Variants in OGFOD1 observed in about 807,000 individuals in gnomAD.
OGFOD1 encodes prolyl 3-hydroxylase OGFOD1.
Under a neutral mutation model 67.7 loss-of-function variants are expected in OGFOD1, and 54 were observed. The observed-to-expected ratio is 0.80, with a 90% confidence interval of 0.64 to 1.00. The LOEUF is 1.00. OGFOD1 is among the 50% of genes least tolerant of loss of function. The pLI, the probability that OGFOD1 is intolerant of heterozygous loss-of-function variation, is 0.00. For synonymous variants in OGFOD1, 221 were observed against 227.0 expected (o/e 0.97, Z 0.24); for missense variants, 606 against 646.7 (o/e 0.94, Z 0.68).
chr16:56,474,478 G>A (rs967385961), intron 10 of OGFOD1, among the ~76,000 whole-genome samples: 3 of 151,752 alleles, frequency 2.0e-5, no homozygotes, highest in East Asian at 3.9e-4. Context: ...GCACTACCAC[G>A]CCTGGCTAAT....
chr16:56,458,905 A>G, intron 3 of OGFOD1: 2 of 353,484 alleles, frequency 5.7e-6, no homozygotes, highest in East Asian at 1.3e-4. Context: ...GTAAATATTA[A>G]AAATAAAAAC....
At chr16:56,455,261 G>A (rs1962487551) in intron 2 of OGFOD1, among the ~76,000 whole-genome samples, 1 of 151,966 alleles carries the variant, frequency 6.6e-6, no homozygotes, top group Non-Finnish European at 1.5e-5. Context: ...CAGCTACTCG[G>A]AAGGCTGAGG....
intron 9 of OGFOD1, among the ~76,000 whole-genome samples, 167 bp downstream of exon 9, chr16:56,470,249 C>T (rs1329062223): frequency 6.6e-6 from 1 of 152,106 alleles, no homozygotes; most frequent in East Asian, 1.9e-4. Context: ...CAATCATGCA[C>T]CAAGGCTCAC....
At chr16:56,469,873 A>AT in intron 8 of OGFOD1, 130 bp from the exon 9 acceptor site, 3 of 547,112 alleles carry the variant, frequency 5.5e-6, no homozygotes, top group Non-Finnish European at 6.3e-6. Context: ...AAAAAAAAAA[A>AT]GGAATGAGAG....
chr16:56,463,195 G>A (rs749916889), intron 4 of OGFOD1, among the ~76,000 whole-genome samples: 21 of 151,702 alleles, frequency 1.4e-4, no homozygotes, highest in Non-Finnish European at 2.5e-4. Flanking sequence ...ATACAAGCTT[G>A]GTTTTTCACC....
At position 56,474,949 on chromosome 16, in the gene OGFOD1, A is replaced by C; in HGVS notation, c.1407A>C (p.Glu469Asp). Reference sequence around the variant, plus strand: ...ACTTAATTCTGTACTGTGGCTGTGAAGGTAAGAGGGAGGAAAGCAAGCGGT... The same window carrying C: ...ACTTAATTCTGTACTGTGGCTGTGACGGTAAGAGGGAGGAAAGCAAGCGGT... ...ALDLILYCGC[E>D]GWEPEYGGFT... Residue 469 changes from glutamate to aspartate, a missense_variant and splice_region_variant, in exon 11 of 13, where the codon GAA (glutamate) becomes GAC (aspartate). By Grantham distance (45) the Glu-to-Asp change is conservative (BLOSUM62 2). Coordinates refer to ENST00000566157, the MANE Select transcript of OGFOD1 (RefSeq NM_018233.4). 1 of 1,613,562 alleles carries C rather than the reference A, an allele frequency of 6.2e-7. No homozygotes were observed. Among genetic ancestry groups the C allele is most frequent in the Non-Finnish European group, 8.5e-7 (1 of 1,179,696 alleles).
At chr16:56,474,987 G>GT in intron 11 of OGFOD1, 37 bp downstream of exon 11, 1 of 1,607,776 alleles carries the variant, frequency 6.2e-7, no homozygotes, top group Admixed American at 1.7e-5. Context: ...ATTATTCCCC[G>GT]TAGGAGGGGC....
intron 5 of OGFOD1, 56 bp downstream of exon 5, chr16:56,466,324 C>G: frequency 1.8e-6 from 2 of 1,093,488 alleles, no homozygotes; most frequent in East Asian, 4.8e-5. Context: ...TGAGTTAAAG[C>G]TGAGTTGATT....
rs904362145 is a variant in OGFOD1, at chr16:56,477,864, T to C, written c.*1659T>C. ...TCTCCTAAAACTTTTGAGTATTCAT[T>C]CTTTTCTGAAGTTTGCATTTAAATG... is the stretch of plus-strand genomic sequence containing the variant. On this transcript the variant is annotated 3_prime_UTR_variant, in exon 13 of 13. Transcript: ENST00000566157. The C allele has an allele frequency of 1.3e-5, 2 of 152,246 alleles. No homozygotes were observed. The highest frequency in any genetic ancestry group is 2.9e-5 in the Non-Finnish European group (2 of 68,050). The allele number at this position is 152,246 out of a possible 1,614,324, so 9.4% of individuals were successfully genotyped here. A position where few individuals can be genotyped will look rare whatever the true frequency, so the allele number is the denominator to read the frequency against.
chr16:56,462,433 A>G (rs755643927), intron 3 of OGFOD1, 101 bp from the exon 4 acceptor site: 11 of 696,854 alleles, frequency 1.6e-5, no homozygotes, highest in African/African-American at 7.1e-5. Flanking sequence ...CTTGAATACA[A>G]TGTGATCTCC....
chr16:56,461,738 A>G (rs1349179362), intron 3 of OGFOD1, among the ~76,000 whole-genome samples: 2 of 152,188 alleles, frequency 1.3e-5, no homozygotes, highest in South Asian at 2.1e-4. Flanking sequence ...GTGTCAGAGA[A>G]TTGGTCAGTG....
chr16:56,470,365 G>A (rs995237219), intron 9 of OGFOD1, 122 bp from the exon 10 acceptor site: 1 of 893,458 alleles, frequency 1.1e-6, no homozygotes, highest in East Asian at 2.5e-5. Context: ...GTAATAACTT[G>A]TGCCTTAGTA....
intron 1 of OGFOD1, among the ~76,000 whole-genome samples, chr16:56,452,444 A>G (rs1962372026): frequency 6.6e-6 from 1 of 152,242 alleles, no homozygotes; most frequent in South Asian, 2.1e-4. Context: ...TTCCAGCCTC[A>G]GCTTTAAATA....
chr16:56,459,860 T>C (rs1962652735), intron 3 of OGFOD1, among the ~76,000 whole-genome samples: 1 of 152,226 alleles, frequency 6.6e-6, no homozygotes, highest in South Asian at 2.1e-4. Flanking sequence ...AGTATTTAAC[T>C]CCTGCTAGTA....
chr16:56,454,876 T>C (rs971340820), intron 2 of OGFOD1: 2 of 346,886 alleles, frequency 5.8e-6, no homozygotes, highest in African/African-American at 2.2e-5. Context: ...ATGAAAGATA[T>C]GACTCTTAAT....
chr16:56,471,070 G>A (rs1963151267), intron 10 of OGFOD1, among the ~76,000 whole-genome samples: 1 of 152,086 alleles, frequency 6.6e-6, no homozygotes, highest in African/African-American at 2.4e-5. Context: ...TGACTGAGTA[G>A]GCCAGGTGCG....
At chr16:56,454,773 G>C (rs768787296) in intron 2 of OGFOD1, 1 of 447,944 alleles carries the variant, frequency 2.2e-6, no homozygotes, top group South Asian at 1.6e-5. Flanking sequence ...TTTTACACTA[G>C]AGCTGATTGG....
chr16:56,453,421 C>A lies in OGFOD1; in HGVS notation c.300+13C>A. On this transcript the variant is annotated intron_variant, in intron 2 of 12. Coordinates refer to ENST00000566157, the MANE Select transcript of OGFOD1 (RefSeq NM_018233.4). ...TAAGTTCCAGCAGGTATTTATTCCC[C>A]TGCCACATTAACTCTTCCAGCTTGG... 6.2e-7 allele frequency: 1 copy of A among 1,605,932 alleles called. No individual in the cohort carries two copies.
At chr16:56,474,046 T>A (rs1329515002) in intron 10 of OGFOD1, among the ~76,000 whole-genome samples, 1 of 152,188 alleles carries the variant, frequency 6.6e-6, no homozygotes, top group African/African-American at 2.4e-5. Context: ...TGACCTCAGG[T>A]GATCTGCCTG....
Sources: gnomAD v4.1 joint callset for allele counts (sites outside exome capture counted in the v4.1 genomes callset) on GRCh38, gnomAD v4.1.1 for gene constraint, MANE v1.5 for transcripts, NCBI Gene and HGNC (gene_info 2026-07-23, HGNC 2026-07-21) for gene names.